SOAT1: variants seen among roughly 807,000 people sequenced by gnomAD.
SOAT1 encodes sterol O-acyltransferase 1, also known as acyl-coenzyme A:cholesterol acyltransferase 1.
A neutral mutation model predicts 69.5 loss-of-function variants in SOAT1; 55 were observed. The ratio of observed to expected loss-of-function variants is 0.79; its 90% CI spans 0.64 to 0.99. The LOEUF (loss-of-function observed/expected upper bound fraction) is 0.99, where lower values mean the gene tolerates loss of function less well. Among genes scored for constraint, SOAT1 ranks in the 50% least tolerant of loss-of-function variants. SOAT1 has a pLI of 0.00. For missense variants in SOAT1, 580 were observed against 669.3 expected, an observed-to-expected ratio of 0.87 and a Z score of 1.47; for synonymous variants, 231 against 224.7, an observed-to-expected ratio of 1.03 and a Z score of -0.25.
intron 11 of SOAT1, among the ~76,000 whole-genome samples, chr1:179,347,375 A>AAC (rs397944528): frequency 6.6e-6 from 1 of 151,156 alleles, no homozygotes; most frequent in Admixed American, 6.6e-5. Context: ...AAAAAAAAAA[A>AAC]CCAGACTGGG....
At chr1:179,347,809 T>C in intron 12 of SOAT1, 112 bp downstream of exon 12, 2 of 643,914 alleles carry the variant, frequency 3.1e-6, no homozygotes, top group Non-Finnish European at 5.3e-6. Context: ...CATTGTGAAA[T>C]AATTTTCTTT....
At position 179,351,428 on chromosome 1, in the gene SOAT1, A is replaced by G; in HGVS notation, c.1562A>G (p.Glu521Gly). 3.1e-6 allele frequency: 5 copies of G among 1,614,052 alleles called. No individual in the cohort carries two copies. The highest frequency in any genetic ancestry group is 4.2e-6 in the Non-Finnish European group (5 of 1,179,986). ...NGVLLCFYSQ[E>G]WYARQHCPLK... ...GTCTTACTCTGCTTTTATTCTCAAGAATGGTATGCACGTCAGCACTGTCCT... is the reference window on the plus strand; with the variant it reads ...GTCTTACTCTGCTTTTATTCTCAAGGATGGTATGCACGTCAGCACTGTCCT... Residue 521 changes from glutamate (E) to glycine (G), a missense_variant, in exon 15 of 16, where the codon GAA (glutamate) becomes GGA (glycine). By Grantham distance (98) the Glu-to-Gly change is moderately conservative (BLOSUM62 -2). Transcript: ENST00000367619.
chr1:179,337,325 G>T (rs1363059007), intron 4 of SOAT1, among the ~76,000 whole-genome samples: 1 of 152,206 alleles, frequency 6.6e-6, no homozygotes, highest in Non-Finnish European at 1.5e-5. Context: ...AGATCAGGAG[G>T]CTGTTGGGAG....
At chr1:179,302,035 T>G (rs1410063250) in intron 1 of SOAT1, among the ~76,000 whole-genome samples, 12 of 152,232 alleles carry the variant, frequency 7.9e-5, no homozygotes. Flanking sequence ...CTTTTTTTTT[T>G]TTTTTTACAT....
intron 2 of SOAT1, among the ~76,000 whole-genome samples, chr1:179,315,347 CT>C: frequency 6.6e-6 from 1 of 151,606 alleles, no homozygotes; most frequent in African/African-American, 2.4e-5. Context: ...GCCTGTAGTC[CT>C]AGGTACTTGG....
At chr1:179,341,657 C>T (rs888201453) in intron 7 of SOAT1, among the ~76,000 whole-genome samples, 42 of 152,114 alleles carry the variant, frequency 2.8e-4, no homozygotes, top group African/African-American at 9.9e-4. Context: ...GCCTCAGCCT[C>T]CCAAGTGGCT....
intron 12 of SOAT1, 90 bp from the exon 13 acceptor site, chr1:179,348,754 G>A: frequency 1.5e-6 from 1 of 675,494 alleles, no homozygotes; most frequent in Non-Finnish European, 2.6e-6. Flanking sequence ...TTTGCTTTCG[G>A]GTGGGATGTG....
chr1:179,351,017 C>A (rs948670145), intron 14 of SOAT1, among the ~76,000 whole-genome samples: 1 of 13,952 alleles, frequency 7.2e-5, no homozygotes, highest in African/African-American at 3.1e-4. Flanking sequence ...CTGTATATTT[C>A]TTTCTTTTTT....
intron 13 of SOAT1, among the ~76,000 whole-genome samples, chr1:179,349,831 G>A (rs1343652890): frequency 1.3e-5 from 2 of 152,116 alleles, no homozygotes; most frequent in African/African-American, 4.8e-5. Flanking sequence ...GCATCTTATG[G>A]TGGAAATAGC....
chr1:179,329,163 TGA>T (rs1014263105), intron 3 of SOAT1, among the ~76,000 whole-genome samples: 1 of 151,936 alleles, frequency 6.6e-6, no homozygotes, highest in African/African-American at 2.4e-5. Context: ...ATGATCAAAC[TGA>T]TGAGTAAGAG....
rs1250005795 is a variant in SOAT1 at position 179,344,352 on chromosome 1, GGTTTTTTTTTTTTTTTTTTTTTTTTT to G, written c.988-594_988-569del. Among the ~76,000 whole-genome samples the G allele has an allele frequency of 5.6e-3, 680 of 120,540 alleles. 48 individuals are homozygous for G. Among genetic ancestry groups the G allele is most frequent in the African/African-American group, 0.013 (432 of 33,318 alleles). 79.1% of individuals were successfully genotyped at this position (120,540 alleles called of 152,430 possible). ...TATGAAGTAAGTTCTTTCATTAAGGGGTTTTTTTTTTTTTTTTTTTTTTTTTTTTTTTTTTTTTTTGAGAAGGAGTC... is the reference window on the plus strand; with the variant it reads ...TATGAAGTAAGTTCTTTCATTAAGGGTTTTTTTTTTTTTTGAGAAGGAGTC... On this transcript the variant is annotated intron_variant, in intron 10 of 15. Transcript: ENST00000367619.
chr1:179,308,577 C>G (rs1665104680), intron 2 of SOAT1, among the ~76,000 whole-genome samples: 1 of 149,832 alleles, frequency 6.7e-6, no homozygotes, highest in Admixed American at 6.8e-5. Flanking sequence ...GAAGCTGAGG[C>G]AGTAGAATCG....
At chr1:179,342,821 A>G in intron 8 of SOAT1, 41 bp from the exon 9 acceptor site, 2 of 1,476,436 alleles carry the variant, frequency 1.4e-6, no homozygotes, top group Non-Finnish European at 1.9e-6. Context: ...GCTGTGAAAA[A>G]TCAAAGAGCC....
At chr1:179,309,321 C>T (rs574142505) in intron 2 of SOAT1, among the ~76,000 whole-genome samples, 8 of 152,202 alleles carry the variant, frequency 5.3e-5, no homozygotes, top group Admixed American at 1.3e-4. Context: ...TGACCTAGTG[C>T]GCCGCCTGCC....
intron 3 of SOAT1, among the ~76,000 whole-genome samples, chr1:179,333,798 C>T (rs1398278652): frequency 2.5e-5 from 1 of 40,144 alleles, no homozygotes; most frequent in Admixed American, 4.8e-4. Flanking sequence ...ATGCCGTTGC[C>T]CTCTAGCCTG....
intron 3 of SOAT1, among the ~76,000 whole-genome samples, chr1:179,331,394 A>G (rs1378770459): frequency 6.6e-6 from 1 of 152,182 alleles, no homozygotes; most frequent in Non-Finnish European, 1.5e-5. Context: ...TGAGAACACT[A>G]TATGCAAAAT....
At chr1:179,301,719 G>A (rs1664836100) in intron 1 of SOAT1, among the ~76,000 whole-genome samples, 1 of 152,274 alleles carries the variant, frequency 6.6e-6, no homozygotes, top group South Asian at 2.1e-4. Context: ...AAAACTTAAA[G>A]CATCTGGCAG....
rs1666969589 is a variant in SOAT1, at chr1:179,358,223, A to G, written c.*4582A>G. ...CATATCACTTTTGACTATATTAGTC[A>G]AGCATATTATTAAAGTTTAAAAAAC... is the stretch of plus-strand genomic sequence containing the variant. On this transcript the variant is annotated 3_prime_UTR_variant, in exon 16 of 16. Coordinates refer to ENST00000367619, the MANE Select transcript of SOAT1 (RefSeq NM_003101.6). 1.3e-5 allele frequency: 2 copies of G among 152,212 alleles called. No individual in the cohort carries two copies. The highest frequency in any genetic ancestry group is 4.1e-4 in the South Asian group (2 of 4,832). 9.4% of individuals were successfully genotyped at this position (152,212 alleles called of 1,614,324 possible).
chr1:179,298,207 C>A (rs1259940419), intron 1 of SOAT1, among the ~76,000 whole-genome samples: 2 of 151,992 alleles, frequency 1.3e-5, no homozygotes, highest in Non-Finnish European at 2.9e-5. Context: ...CCTCAGCCTC[C>A]TGAGTAGCTG....
Sources: gnomAD v4.1 joint callset for allele counts (sites outside exome capture counted in the v4.1 genomes callset) on GRCh38, gnomAD v4.1.1 for gene constraint, MANE v1.5 for transcripts, NCBI Gene and HGNC (gene_info 2026-07-23, HGNC 2026-07-21) for gene names.